PCDHGA1: variants seen among roughly 807,000 people sequenced by gnomAD.
PCDHGA1 encodes the protein protocadherin gamma-A1.
In PCDHGA1, 32 loss-of-function variants were observed where a neutral mutation model predicts 58.0. That is an observed-to-expected ratio of 0.55 (90% CI 0.42 to 0.74). PCDHGA1 has a LOEUF of 0.74. Ranked by LOEUF, PCDHGA1 falls within the 30% of genes least tolerant of loss-of-function variation. PCDHGA1 has a pLI of 0.00. For missense variants in PCDHGA1, 1,205 were observed against 1,182.3 expected, an observed-to-expected ratio of 1.02 and a Z score of -0.28; for synonymous variants, 498 against 501.1, an observed-to-expected ratio of 0.99 and a Z score of 0.08.
chr5:141,400,709 G>A (rs1361669405), intron 1 of PCDHGA1: 1 of 696,272 alleles, frequency 1.4e-6, no homozygotes, highest in East Asian at 2.7e-5. Flanking sequence ...AAAAGAAGTA[G>A]CCTTATAGAT....
intron 1 of PCDHGA1, chr5:141,422,463 C>G (rs1461108652): frequency 6.2e-7 from 1 of 1,613,472 alleles, no homozygotes; most frequent in Non-Finnish European, 8.5e-7. Flanking sequence ...GAGTGCTGGA[C>G]AGGGAGTTGG....
intron 1 of PCDHGA1, chr5:141,344,096 G>A: frequency 2.5e-6 from 4 of 1,613,728 alleles, no homozygotes; most frequent in Non-Finnish European, 3.4e-6. Context: ...CGCTCCTGGG[G>A]ACGCTGTGCG....
intron 1 of PCDHGA1, chr5:141,375,273 C>A (rs770340172): frequency 6.2e-7 from 1 of 1,613,854 alleles, no homozygotes; most frequent in South Asian, 1.1e-5. Flanking sequence ...TTGGAAAAAT[C>A]AGTTGGCAAT....
At chr5:141,341,579 C>G in intron 1 of PCDHGA1, 1 of 1,212,798 alleles carries the variant, frequency 8.2e-7, no homozygotes, top group Non-Finnish European at 1.1e-6. Context: ...GAAGAAGAGA[C>G]GTGAGAATCT....
Position 141,331,591 on chromosome 5 carries a change from A to T in PCDHGA1, c.907A>T (p.Asn303Tyr). ...AGATTCTTACACAGGAGAAATATCA[A>T]ATAAAGAACCACTAGATTTCGAAGA... Reference protein sequence around the residue: ...RLDSYTGEISNKEPLDFEEYK... With the variant: ...RLDSYTGEISYKEPLDFEEYK... The change falls in exon 1 of 4, where the codon AAT (asparagine) becomes TAT (tyrosine). Residue 303 changes from asparagine to tyrosine, a missense_variant. Transcript: ENST00000517417. The T allele has an allele frequency of 6.2e-7, 1 of 1,614,124 alleles. No homozygotes were observed. Among genetic ancestry groups the T allele is most frequent in the East Asian group, 2.2e-5 (1 of 44,884 alleles).
intron 1 of PCDHGA1, chr5:141,355,229 A>G: frequency 1.9e-6 from 3 of 1,611,306 alleles, no homozygotes; most frequent in Non-Finnish European, 2.5e-6. Flanking sequence ...CGCCCAGACC[A>G]CACCCGGCTG....
At chr5:141,393,632 C>T (rs1477463079) in intron 1 of PCDHGA1, 1 of 1,613,930 alleles carries the variant, frequency 6.2e-7, no homozygotes, top group Non-Finnish European at 8.5e-7. Context: ...ATGAGGGAAT[C>T]AACGGAAAAG....
At chr5:141,413,824 A>G (rs1265406182) in intron 1 of PCDHGA1, 1 of 1,613,114 alleles carries the variant, frequency 6.2e-7, no homozygotes, top group Middle Eastern at 1.6e-4. Context: ...CCTGGTCCTC[A>G]CCGCCTCCGA....
At chr5:141,341,595 C>A in intron 1 of PCDHGA1, 1 of 1,068,188 alleles carries the variant, frequency 9.4e-7, no homozygotes, top group South Asian at 1.7e-5. Flanking sequence ...AATCTTTGTG[C>A]AATGAATGTA....
At position 141,487,198 on chromosome 5, in the gene PCDHGA1, T is replaced by A; in HGVS notation, c.2422-7609T>A. The A allele has an allele frequency of 1.2e-6, 2 of 1,613,854 alleles. No individual in the cohort carries two copies. The highest frequency in any genetic ancestry group is 1.7e-6 in the Non-Finnish European group (2 of 1,179,722). ...AAGACACTCATCCAGTTGTCCCAGATCTTCGAGAATCTTCAGCTCCAAGGG... is the reference window on the plus strand; with the variant it reads ...AAGACACTCATCCAGTTGTCCCAGAACTTCGAGAATCTTCAGCTCCAAGGG... On this transcript the variant is annotated intron_variant, in intron 1 of 3. Transcript: ENST00000517417. The surrounding 1 kb of genome is among the most constrained non-coding windows in gnomAD (Gnocchi z 5.0).
At chr5:141,455,911 ATTTT>A (rs1404284843) in intron 1 of PCDHGA1, among the ~76,000 whole-genome samples, 2 of 114,614 alleles carry the variant, frequency 1.7e-5, no homozygotes, top group African/African-American at 3.3e-5. Context: ...TTATTTATTT[ATTTT>A]GAGACGGAGT....
intron 1 of PCDHGA1, chr5:141,439,807 G>A (rs2098132839): frequency 6.6e-6 from 1 of 152,336 alleles, no homozygotes; most frequent in African/African-American, 2.4e-5. Context: ...AGTTTGAAAA[G>A]GGGCTTATTT....
In PCDHGA1 at chr5:141,330,628, A is replaced by G; in HGVS notation, c.-57A>G. On this transcript the variant is annotated 5_prime_UTR_variant, in exon 1 of 4. Transcript: ENST00000517417. ...AAATTGGGTTAATTTCAGCTCAGAA[A>G]AGCAGAAACGATACCCTTGGTACTG... 1 of 1,507,424 alleles carries G rather than the reference A, an allele frequency of 6.6e-7. No homozygotes were observed. The allele number at this position is 1,507,424 out of a possible 1,614,324, so 93.4% of individuals were successfully genotyped here. A position where few individuals can be genotyped will look rare whatever the true frequency, so the allele number is the denominator to read the frequency against.
intron 1 of PCDHGA1, chr5:141,414,866 C>T: frequency 6.2e-7 from 1 of 1,614,230 alleles, no homozygotes; most frequent in Non-Finnish European, 8.5e-7. Flanking sequence ...GACAATGCGC[C>T]CGAGATCCTG....
In PCDHGA1 at chr5:141,511,236, C is replaced by T; in HGVS notation, c.*63C>T. 4 of 1,591,606 alleles carry T rather than the reference C, an allele frequency of 2.5e-6. No individual in the cohort carries two copies. Among genetic ancestry groups the T allele is most frequent in the Admixed American group, 3.6e-5 (2 of 56,022 alleles). ...CCCAACCAGCCCAGCTTCTCCTTAC[C>T]TGCACCCAGGCCTCAGAGTTTCAGG... On this transcript the variant is annotated 3_prime_UTR_variant, in exon 4 of 4. Transcript: ENST00000517417.
chr5:141,461,255 G>A (rs1466460215), intron 1 of PCDHGA1, among the ~76,000 whole-genome samples: 1 of 152,098 alleles, frequency 6.6e-6, no homozygotes. Flanking sequence ...ATTCCCAGCA[G>A]CAATGTGTAA....
intron 1 of PCDHGA1, among the ~76,000 whole-genome samples, chr5:141,451,108 G>A (rs1484218835): frequency 3.3e-5 from 5 of 151,860 alleles, no homozygotes; most frequent in South Asian, 2.1e-4. Flanking sequence ...GATTACAGGC[G>A]TGAGCCACCA....
intron 1 of PCDHGA1, chr5:141,346,133 C>T (rs762993564): frequency 4.3e-6 from 7 of 1,613,856 alleles, no homozygotes; most frequent in African/African-American, 2.7e-5. Context: ...TGGCCGCGGT[C>T]TCCTGCGTCT....
At position 141,476,051 on chromosome 5, in the gene PCDHGA1, GA is replaced by G; in HGVS notation, c.2422-18753del. On this transcript the variant is annotated intron_variant, in intron 1 of 3. Transcript: ENST00000517417. This position sits in a 1 kb window ranked among gnomAD's most constrained non-coding sequence, Gnocchi z 7.6. ...CCCAGCGCCCAAGCGCTAACCCGCT[GA>G]AAGTTTCTCAGCGAAATCTCAGGGA... 1.3e-6 allele frequency: 2 copies of G among 1,504,270 alleles called. No individual in the cohort carries two copies. The highest frequency in any genetic ancestry group is 1.8e-6 in the Non-Finnish European group (2 of 1,133,694). The allele number at this position is 1,504,270 out of a possible 1,614,324, so 93.2% of individuals were successfully genotyped here.
Sources: allele counts gnomAD v4.1 joint callset (sites outside exome capture counted in the v4.1 genomes callset), GRCh38; gene constraint gnomAD v4.1.1; non-coding constraint Gnocchi (gnomAD v3.1); transcripts MANE v1.5; gene names NCBI Gene and HGNC (gene_info 2026-07-23, HGNC 2026-07-21).